PLCE1: variants seen among roughly 807,000 people sequenced by gnomAD.
The protein encoded by PLCE1 is 1-phosphatidylinositol 4,5-bisphosphate phosphodiesterase epsilon-1.
A neutral mutation model predicts 242.8 loss-of-function variants in PLCE1; 119 were observed. The observed-to-expected ratio is 0.49, with a 90% confidence interval of 0.42 to 0.57. The LOEUF (loss-of-function observed/expected upper bound fraction) is 0.57, where lower values mean the gene tolerates loss of function less well. PLCE1 is among the 20% of genes least tolerant of loss of function. PLCE1 has a pLI of 0.00. For missense variants in PLCE1, 2,441 were observed against 2,788.8 expected, an observed-to-expected ratio of 0.88 and a Z score of 2.81; for synonymous variants, 945 against 1,017.4, an observed-to-expected ratio of 0.93 and a Z score of 1.35.
In PLCE1 at chr10:94,256,385, A is replaced by G. The variant is rs538893380; in HGVS notation, c.3554+1336A>G. Among the ~76,000 whole-genome samples, 348 of 149,150 alleles carry G rather than the reference A, an allele frequency of 2.3e-3. 3 individuals are homozygous for G. Among genetic ancestry groups the G allele is most frequent in the African/African-American group, 8.3e-3 (335 of 40,448 alleles). ...AAAAGAAACAGAAAATAGAAAGAAA[A>G]AAGAATCCTACAGTAAATTATCTTT... On this transcript the variant is annotated intron_variant, in intron 11 of 32. Transcript: ENST00000371380.
intron 2 of PLCE1, among the ~76,000 whole-genome samples, chr10:94,049,445 A>C (rs1390289011): frequency 6.6e-6 from 1 of 152,148 alleles, no homozygotes; most frequent in African/African-American, 2.4e-5. Context: ...AATTCCATAC[A>C]TGTGTGGGCC....
chr10:94,187,679 A>G (rs1450074541), intron 4 of PLCE1, among the ~76,000 whole-genome samples: 1 of 152,152 alleles, frequency 6.6e-6, no homozygotes, highest in East Asian at 1.9e-4. Context: ...CGCAGGTCAA[A>G]GCAGTACAGA....
At chr10:94,173,294 C>T (rs1030614119) in intron 4 of PLCE1, among the ~76,000 whole-genome samples, 1 of 152,132 alleles carries the variant, frequency 6.6e-6, no homozygotes, top group Non-Finnish European at 1.5e-5. Context: ...GGTCCCACCC[C>T]CAAACTGAGT....
chr10:94,284,405 G>T (rs536998207), intron 21 of PLCE1, among the ~76,000 whole-genome samples: 57 of 152,182 alleles, frequency 3.7e-4, no homozygotes, highest in Non-Finnish European at 6.6e-4. Flanking sequence ...CCAGATAGCA[G>T]AGGAATGACA....
At chr10:94,062,591 T>TTTG (rs1272390845) in intron 2 of PLCE1, among the ~76,000 whole-genome samples, 10 of 113,164 alleles carry the variant, frequency 8.8e-5, no homozygotes, top group African/African-American at 6.1e-4. Context: ...TGTTTTTTTT[T>TTTG]TTGTTTTGTT....
intron 5 of PLCE1, among the ~76,000 whole-genome samples, chr10:94,232,051 T>A (rs1041919443): frequency 1.1e-4 from 16 of 152,226 alleles, no homozygotes; most frequent in African/African-American, 3.9e-4. Context: ...TATATGCATA[T>A]GTTGGAAAAG....
At chr10:94,047,323 C>T (rs1022975839) in intron 2 of PLCE1, among the ~76,000 whole-genome samples, 4 of 152,122 alleles carry the variant, frequency 2.6e-5, no homozygotes, top group Non-Finnish European at 5.9e-5. Flanking sequence ...CTGCCAGGGG[C>T]CAGAATTGCT....
At chr10:94,296,485 T>C (rs1003082772) in intron 23 of PLCE1, among the ~76,000 whole-genome samples, 1 of 152,222 alleles carries the variant, frequency 6.6e-6, no homozygotes, top group Non-Finnish European at 1.5e-5. Flanking sequence ...TATTATGTTA[T>C]GGAGATGACT....
intron 4 of PLCE1, among the ~76,000 whole-genome samples, chr10:94,202,192 A>G (rs2049007368): frequency 6.6e-6 from 1 of 152,242 alleles, no homozygotes; most frequent in Non-Finnish European, 1.5e-5. Flanking sequence ...TGTCCACATG[A>G]TAAATGTCTG....
rs527747519 is a variant in PLCE1 at position 94,332,277 on chromosome 10, T to C, written c.*4334T>C. On this transcript the variant is annotated 3_prime_UTR_variant, in exon 33 of 33. Transcript: ENST00000371380. The stretch of plus-strand genomic sequence containing the variant: ...GCAGATGACATAGGTCTCTAAACTT[T>C]TGACACAAGTAATTCTAACACTGAA... 18 of 152,326 alleles carry C rather than the reference T, an allele frequency of 1.2e-4. No homozygotes were observed. Among genetic ancestry groups the C allele is most frequent in the Admixed American group, 9.2e-4 (14 of 15,298 alleles). 9.4% of individuals were successfully genotyped at this position (152,326 alleles called of 1,614,324 possible).
chr10:94,031,572 G>A lies in PLCE1; in HGVS notation c.526G>A (p.Gly176Ser), dbSNP rs1440257014. ...LGNQSVIIET[G>S]RAHPDSRRAV... ...AAATCAGTCAGTGATCATAGAGACA[G>A]GCAGAGCACACCCTGACAGCAGAAG... The change falls in exon 2 of 33, where the codon GGC (glycine) becomes AGC (serine). Residue 176 changes from glycine to serine, a missense_variant. By Grantham distance (56) the Gly-to-Ser change is moderately conservative (BLOSUM62 0). This residue lies in a region of PLCE1 where 393 missense variants were observed against 378.5 expected (regional missense o/e 1.04). Coordinates refer to ENST00000371380, the MANE Select transcript of PLCE1 (RefSeq NM_016341.4). 1.1e-5 allele frequency: 17 copies of A among 1,612,352 alleles called. No homozygotes were observed. The highest frequency in any genetic ancestry group is 1.4e-5 in the Non-Finnish European group (16 of 1,179,750).
At chr10:94,233,920 C>G in intron 5 of PLCE1, 134 bp from the exon 6 acceptor site, 1 of 778,716 alleles carries the variant, frequency 1.3e-6, no homozygotes, top group Non-Finnish European at 2.1e-6. Context: ...TGCACTCCAG[C>G]CTGGGCAACA....
intron 5 of PLCE1, among the ~76,000 whole-genome samples, chr10:94,227,730 G>A (rs969614538): frequency 2.6e-5 from 4 of 152,098 alleles, no homozygotes; most frequent in Admixed American, 6.6e-5. Flanking sequence ...TGCATAACCC[G>A]ATCAACCCCA....
intron 2 of PLCE1, among the ~76,000 whole-genome samples, chr10:94,050,175 G>C (rs11187778): frequency 0.41 from 61,846 of 151,866 alleles, 15,744 homozygotes; most frequent in African/African-American, 0.73. Context: ...ATATACTACT[G>C]GAGACTGGGT....
chr10:94,284,243 A>C (rs1466666692), intron 21 of PLCE1, among the ~76,000 whole-genome samples: 1 of 152,248 alleles, frequency 6.6e-6, no homozygotes, highest in Non-Finnish European at 1.5e-5. Flanking sequence ...TCAGAGAATC[A>C]AGGACAGGCT....
At chr10:94,257,747 A>T (rs2051151104) in intron 11 of PLCE1, among the ~76,000 whole-genome samples, 1 of 152,120 alleles carries the variant, frequency 6.6e-6, no homozygotes, top group Non-Finnish European at 1.5e-5. Context: ...CAGGGCGGGG[A>T]ATATCACACA....
intron 24 of PLCE1, among the ~76,000 whole-genome samples, chr10:94,303,585 A>G (rs768202933): frequency 1.3e-5 from 2 of 152,246 alleles, no homozygotes; most frequent in Non-Finnish European, 2.9e-5. Flanking sequence ...TTGAGATTTC[A>G]AGGAAAAGCA....
At chr10:94,085,923 A>G (rs141302323) in intron 2 of PLCE1, among the ~76,000 whole-genome samples, 28 of 152,344 alleles carry the variant, frequency 1.8e-4, no homozygotes, top group African/African-American at 6.7e-4. Context: ...TGGCCAAATA[A>G]TAATACAATT....
intron 30 of PLCE1, among the ~76,000 whole-genome samples, chr10:94,323,454 C>T (rs1163690744): frequency 6.6e-6 from 1 of 152,092 alleles, no homozygotes; most frequent in African/African-American, 2.4e-5. Flanking sequence ...AAGATAAAAG[C>T]CCTTATTTAT....
Sources: allele counts gnomAD v4.1 joint callset (sites outside exome capture counted in the v4.1 genomes callset), GRCh38; gene constraint gnomAD v4.1.1; regional missense constraint gnomAD v4.1.1; transcripts MANE v1.5; gene names NCBI Gene and HGNC (gene_info 2026-07-23, HGNC 2026-07-21).